CALN1: variants seen among roughly 807,000 people sequenced by gnomAD.
CALN1 encodes the protein calneuron 1.
In CALN1, 17 loss-of-function variants were observed where a neutral mutation model predicts 30.6. The ratio of observed to expected loss-of-function variants is 0.56; its 90% CI spans 0.38 to 0.83. The LOEUF is 0.83. CALN1 is among the 40% of genes least tolerant of loss of function. The probability of loss-of-function intolerance (pLI) is 0.00; values close to 1 mark genes in which losing one functional copy is unlikely to be tolerated. For missense variants in CALN1, 291 were observed against 354.9 expected, an observed-to-expected ratio of 0.82 and a Z score of 1.45; for synonymous variants, 156 against 131.4, an observed-to-expected ratio of 1.19 and a Z score of -1.28.
At chr7:72,223,457 G>C (rs985414663) in intron 3 of CALN1, among the ~76,000 whole-genome samples, 3 of 152,094 alleles carry the variant, frequency 2.0e-5, no homozygotes, top group Admixed American at 1.3e-4. Flanking sequence ...GGCTTACAGG[G>C]TAAAAAAGGA....
At position 72,393,629 on chromosome 7, in the gene CALN1, GC is replaced by G. The variant is rs112134599; in HGVS notation, c.119+9621del. Among the ~76,000 whole-genome samples, 18 of 151,594 alleles carry G rather than the reference GC, an allele frequency of 1.2e-4. No individual in the cohort carries two copies. The East Asian group carries it at 3.3e-3, about 28-fold the overall frequency. ...CAGATGTACTCTGTCCCACAGCTGG[GC>G]CCCCCCCAGGCAAATGCCAAAAGAA... On this transcript the variant is annotated intron_variant, in intron 2 of 6. Transcript: ENST00000395275.
chr7:72,318,781 G>GA (rs1342964426), intron 2 of CALN1, among the ~76,000 whole-genome samples: 2 of 125,518 alleles, frequency 1.6e-5, no homozygotes, highest in African/African-American at 3.0e-5. Flanking sequence ...CAAACTCTTG[G>GA]ACTCAAGCAG....
the CALN1 span, among the ~76,000 whole-genome samples, chr7:72,490,158 G>T: frequency 3.3e-5 from 5 of 152,320 alleles, no homozygotes. Context: ...GAGTTCAAAA[G>T]AGTCCTCCAG....
intron 2 of CALN1, among the ~76,000 whole-genome samples, chr7:72,362,239 G>C (rs972517396): frequency 3.3e-5 from 5 of 152,168 alleles, no homozygotes; most frequent in African/African-American, 1.2e-4. Flanking sequence ...AAGCATTATG[G>C]ATCTTATGTC....
chr7:72,086,965 T>C (rs1805524077), intron 4 of CALN1, among the ~76,000 whole-genome samples: 1 of 152,074 alleles, frequency 6.6e-6, no homozygotes, highest in Admixed American at 6.6e-5. Flanking sequence ...TACATGATTA[T>C]CTCAATAGAC....
chr7:71,953,788 G>A (rs1369289935), intron 5 of CALN1, among the ~76,000 whole-genome samples: 2 of 152,046 alleles, frequency 1.3e-5, no homozygotes, highest in African/African-American at 4.8e-5. Flanking sequence ...ATGTCATGGG[G>A]CAGATGCTCT....
At chr7:72,475,433 T>G in the CALN1 span, among the ~76,000 whole-genome samples, 1 of 152,116 alleles carries the variant, frequency 6.6e-6, no homozygotes, top group African/African-American at 2.4e-5. Context: ...CACTCCGGCC[T>G]GGGCGACAGA....
intron 3 of CALN1, among the ~76,000 whole-genome samples, chr7:72,204,747 G>A (rs1791704476): frequency 6.6e-6 from 1 of 152,026 alleles, no homozygotes; most frequent in Non-Finnish European, 1.5e-5. Context: ...CCTGCAACAT[G>A]GTAAACAGCA....
intron 5 of CALN1, among the ~76,000 whole-genome samples, chr7:71,922,832 T>C (rs1023890318): frequency 9.3e-5 from 13 of 139,070 alleles, no homozygotes; most frequent in South Asian, 2.1e-4. Context: ...ACAGAATATA[T>C]ATAAATATAT....
chr7:71,853,832 G>A (rs1182031694), intron 5 of CALN1, among the ~76,000 whole-genome samples: 2 of 151,954 alleles, frequency 1.3e-5, no homozygotes, highest in South Asian at 2.1e-4. Context: ...CGCCCACCTC[G>A]GCGTTCCAAA....
upstream of CALN1, among the ~76,000 whole-genome samples, chr7:72,413,862 TC>T (rs1807336231): frequency 7.4e-6 from 1 of 136,034 alleles, no homozygotes; most frequent in Non-Finnish European, 1.5e-5. Flanking sequence ...TCACACACAC[TC>T]GTATACACAT....
chr7:71,879,408 A>G (rs1345326477), intron 5 of CALN1, among the ~76,000 whole-genome samples: 1 of 152,136 alleles, frequency 6.6e-6, no homozygotes, highest in Non-Finnish European at 1.5e-5. Context: ...CAAGAGGCGA[A>G]GACTTGTTTA....
chr7:72,042,776 G>A (rs1802211986), intron 4 of CALN1, among the ~76,000 whole-genome samples: 1 of 152,156 alleles, frequency 6.6e-6, no homozygotes, highest in Non-Finnish European at 1.5e-5. Flanking sequence ...GAAAAAGGGT[G>A]CTTAGCATAA....
At chr7:72,453,090 C>A in the CALN1 span, among the ~76,000 whole-genome samples, 1 of 152,214 alleles carries the variant, frequency 6.6e-6, no homozygotes, top group Non-Finnish European at 1.5e-5. Flanking sequence ...CTAAGCCAGG[C>A]AAATCACATC....
intron 3 of CALN1, among the ~76,000 whole-genome samples, chr7:72,267,356 G>A (rs1239768321): frequency 6.6e-6 from 1 of 152,168 alleles, no homozygotes; most frequent in East Asian, 1.9e-4. Context: ...ATAAAGTCAT[G>A]CTCATGGCCA....
chr7:72,186,885 C>CT lies in CALN1; in HGVS notation c.245-80592dup, dbSNP rs34604151. Among the ~76,000 whole-genome samples the CT allele has an allele frequency of 3.2e-3, 195 of 61,308 alleles. 2 individuals carry two copies. The highest frequency in any genetic ancestry group is 7.9e-3 in the African/African-American group (131 of 16,602). 40.2% of individuals were successfully genotyped at this position (61,308 alleles called of 152,430 possible). On this transcript the variant is annotated intron_variant, in intron 3 of 6. Transcript: ENST00000395275. Reference sequence around the variant, plus strand: ...CTGCAATAAACATATGAGTGCAGAGCTTTTTTTTTTTTTTTTTTTTTTTTG... The same window carrying CT: ...CTGCAATAAACATATGAGTGCAGAGCTTTTTTTTTTTTTTTTTTTTTTTTTG...
chr7:72,335,386 T>G (rs1801946047), intron 2 of CALN1, among the ~76,000 whole-genome samples: 1 of 152,022 alleles, frequency 6.6e-6, no homozygotes, highest in South Asian at 2.1e-4. Flanking sequence ...AGCTCATGAG[T>G]TCTATGTGCA....
intron 5 of CALN1, among the ~76,000 whole-genome samples, chr7:71,924,783 T>C (rs996302901): frequency 1.3e-5 from 2 of 152,178 alleles, no homozygotes; most frequent in Admixed American, 6.6e-5. Context: ...TTCTCTCCAA[T>C]CTTTTGTTCT....
intron 2 of CALN1, among the ~76,000 whole-genome samples, chr7:72,290,629 A>C (rs1305454699): frequency 1.3e-5 from 2 of 152,220 alleles, no homozygotes; most frequent in African/African-American, 4.8e-5. Context: ...TCTTGAACTA[A>C]GTCTTCACTG....
Sources: gnomAD v4.1 joint callset for allele counts (sites outside exome capture counted in the v4.1 genomes callset) on GRCh38, gnomAD v4.1.1 for gene constraint, MANE v1.5 for transcripts, NCBI Gene and HGNC (gene_info 2026-07-23, HGNC 2026-07-21) for gene names.